MAML3: variants seen among roughly 807,000 people sequenced by gnomAD.
MAML3 encodes mastermind like transcriptional coactivator 3, also known as mastermind-like protein 3.
MAML3 carries 27 observed loss-of-function variants against 101.9 expected under a neutral mutation model. The ratio of observed to expected loss-of-function variants is 0.27; its 90% CI spans 0.20 to 0.37. MAML3 has a LOEUF of 0.37. Among genes scored for constraint, MAML3 ranks in the 10% least tolerant of loss-of-function variants. The pLI, the probability that MAML3 is intolerant of heterozygous loss-of-function variation, is 1.00. For synonymous variants in MAML3, 501 were observed against 555.9 expected (o/e 0.90, Z 1.39); for missense variants, 1,316 against 1,444.9 (o/e 0.91, Z 1.45).
At chr4:140,080,237 C>A (rs1366956933) in intron 1 of MAML3, among the ~76,000 whole-genome samples, 2 of 152,244 alleles carry the variant, frequency 1.3e-5, no homozygotes, top group Non-Finnish European at 2.9e-5. Context: ...GGAGCTAGCA[C>A]AGAAATGCCT....
intron 1 of MAML3, among the ~76,000 whole-genome samples, chr4:140,030,764 C>A (rs1361207789): frequency 6.6e-6 from 1 of 152,196 alleles, no homozygotes; most frequent in African/African-American, 2.4e-5. Context: ...GTAGGGAGTT[C>A]TGAGGCTACC....
chr4:139,886,205 C>T (rs1464543885), intron 2 of MAML3, among the ~76,000 whole-genome samples: 1 of 151,852 alleles, frequency 6.6e-6, no homozygotes, highest in Non-Finnish European at 1.5e-5. Context: ...GGATTCACAA[C>T]TAATATATGT....
At chr4:139,844,315 C>T (rs115623030) in intron 2 of MAML3, among the ~76,000 whole-genome samples, 4 of 152,236 alleles carry the variant, frequency 2.6e-5, no homozygotes, top group Non-Finnish European at 4.4e-5. Context: ...ACTAATCAGA[C>T]ACTCAGTGTC....
intron 2 of MAML3, among the ~76,000 whole-genome samples, chr4:139,741,136 G>GGCTA (rs1282324290): frequency 6.6e-6 from 1 of 152,152 alleles, no homozygotes; most frequent in Admixed American, 6.5e-5. Context: ...GGTTTGAGGA[G>GGCTA]GCTAGGACTT....
chr4:140,063,653 ATCT>A (rs1265522125), intron 1 of MAML3, among the ~76,000 whole-genome samples: 3 of 152,112 alleles, frequency 2.0e-5, no homozygotes, highest in Non-Finnish European at 2.9e-5. Flanking sequence ...AACACACATC[ATCT>A]TCTTATTTGC....
At chr4:139,958,345 T>C (rs1472769137) in intron 1 of MAML3, among the ~76,000 whole-genome samples, 1 of 152,238 alleles carries the variant, frequency 6.6e-6, no homozygotes, top group Non-Finnish European at 1.5e-5. Context: ...TTTCAATAAA[T>C]ATTTATTGAG....
intron 2 of MAML3, among the ~76,000 whole-genome samples, chr4:139,757,127 C>T (rs4863687): frequency 0.24 from 37,139 of 151,938 alleles, 4,698 homozygotes; most frequent in Admixed American, 0.29. Flanking sequence ...ATCTTCTGCC[C>T]GCCTCTCTTC....
intron 2 of MAML3, among the ~76,000 whole-genome samples, chr4:139,777,389 A>G (rs536459827): frequency 2.0e-5 from 3 of 152,302 alleles, no homozygotes; most frequent in South Asian, 4.1e-4. Flanking sequence ...CCTTGCCACA[A>G]GAAGATCTGA....
intron 1 of MAML3, among the ~76,000 whole-genome samples, chr4:139,952,778 T>C (rs915209587): frequency 6.6e-6 from 1 of 152,202 alleles, no homozygotes; most frequent in African/African-American, 2.4e-5. Context: ...GTGTGCCATT[T>C]CTAGGCTTGG....
chr4:139,828,920 C>A (rs936946677), intron 2 of MAML3, among the ~76,000 whole-genome samples: 1 of 150,330 alleles, frequency 6.7e-6, no homozygotes, highest in Non-Finnish European at 1.5e-5. Context: ...TTGTGGTGAG[C>A]CAAGATTGTG....
At chr4:139,761,810 G>C (rs1388486288) in intron 2 of MAML3, among the ~76,000 whole-genome samples, 1 of 152,182 alleles carries the variant, frequency 6.6e-6, no homozygotes, top group African/African-American at 2.4e-5. Flanking sequence ...ACCCAGCCTG[G>C]CTGGGTCAAG....
At chr4:139,911,820 C>T (rs892935957) in intron 1 of MAML3, among the ~76,000 whole-genome samples, 1 of 152,184 alleles carries the variant, frequency 6.6e-6, no homozygotes, top group Non-Finnish European at 1.5e-5. Flanking sequence ...AATGTGCTGG[C>T]ACCTTGATCT....
At chr4:139,965,163 A>C (rs935018959) in intron 1 of MAML3, among the ~76,000 whole-genome samples, 6 of 151,068 alleles carry the variant, frequency 4.0e-5, no homozygotes, top group Non-Finnish European at 7.4e-5. Context: ...GTAGAAGTCC[A>C]TGAGTGTTTT....
intron 1 of MAML3, among the ~76,000 whole-genome samples, chr4:139,935,332 T>C (rs1291926225): frequency 1.3e-5 from 2 of 152,084 alleles, no homozygotes; most frequent in Non-Finnish European, 2.9e-5. Context: ...AATACCCACG[T>C]TTCAGCAGAG....
chr4:140,033,850 G>A (rs545552826), intron 1 of MAML3, among the ~76,000 whole-genome samples: 157 of 152,326 alleles, frequency 1.0e-3, no homozygotes, highest in African/African-American at 3.7e-3. Context: ...GCATTAAGCA[G>A]TGCTATGAGA....
chr4:139,776,864 C>T (rs1164683055), intron 2 of MAML3, among the ~76,000 whole-genome samples: 2 of 152,110 alleles, frequency 1.3e-5, no homozygotes, highest in Admixed American at 6.5e-5. Flanking sequence ...ACTTTGGCTC[C>T]AGCATCTACA....
At position 139,889,786 on chromosome 4, in the gene MAML3, T is replaced by G; in HGVS notation, c.1650A>C (p.Gln550His). 3.1e-6 allele frequency: 5 copies of G among 1,614,016 alleles called. No individual in the cohort carries two copies. Among genetic ancestry groups the G allele is most frequent in the Non-Finnish European group, 4.2e-6 (5 of 1,179,884 alleles). Residue 550 changes from glutamine to histidine, a missense_variant, in exon 2 of 5, where the codon CAA becomes CAC. Gln to His is a conservative substitution (Grantham distance 24). Transcript: ENST00000509479. Reference sequence around the variant, plus strand: ...TTGCCATTGGAGGCACTATAGGGTTTTGGTTGTTAAAGGCTTGGGGGTACA... The same window carrying G: ...TTGCCATTGGAGGCACTATAGGGTTGTGGTTGTTAAAGGCTTGGGGGTACA... ...PMMYPQAFNNQNPIVPPMANN... is the reference protein window; with the variant it reads ...PMMYPQAFNNHNPIVPPMANN...
intron 1 of MAML3, among the ~76,000 whole-genome samples, chr4:140,008,985 T>C (rs990649127): frequency 6.6e-6 from 1 of 152,258 alleles, no homozygotes; most frequent in Non-Finnish European, 1.5e-5. Context: ...TTTGCATATC[T>C]AAAAGGGTCA....
intron 2 of MAML3, among the ~76,000 whole-genome samples, chr4:139,802,822 G>T (rs910616577): frequency 6.6e-6 from 1 of 152,098 alleles, no homozygotes. Flanking sequence ...ACTGTTGAGA[G>T]GATTAAATAA....
Sources: gnomAD v4.1 joint callset for allele counts (sites outside exome capture counted in the v4.1 genomes callset) on GRCh38, gnomAD v4.1.1 for gene constraint, MANE v1.5 for transcripts, NCBI Gene and HGNC (gene_info 2026-07-23, HGNC 2026-07-21) for gene names.